Variants in NRXN3 observed in about 807,000 individuals in gnomAD.
NRXN3 encodes the protein neurexin III.
Under a neutral mutation model 137.6 loss-of-function variants are expected in NRXN3, and 32 were observed. That is an observed-to-expected ratio of 0.23 (90% confidence interval 0.18 to 0.31). The LOEUF (loss-of-function observed/expected upper bound fraction) is 0.31, where lower values mean the gene tolerates loss of function less well. Among genes scored for constraint, NRXN3 ranks in the 10% least tolerant of loss-of-function variants. The pLI is 1.00. For missense variants in NRXN3, 1,574 were observed against 2,062.5 expected (o/e 0.76, Z 4.59); for synonymous variants, 798 against 784.5 (o/e 1.02, Z -0.29).
At chr14:78,994,993 T>C (rs1462787018) in intron 15 of NRXN3, among the ~76,000 whole-genome samples, 1 of 152,142 alleles carries the variant, frequency 6.6e-6, no homozygotes, top group Admixed American at 6.5e-5. Context: ...TGATTGAGGG[T>C]TTGGTCCCAG....
chr14:78,705,218 A>G (rs1251815288), intron 6 of NRXN3, among the ~76,000 whole-genome samples: 1 of 152,208 alleles, frequency 6.6e-6, no homozygotes, highest in Non-Finnish European at 1.5e-5. Flanking sequence ...ATTTGATGCC[A>G]CATCTCTTCC....
At chr14:78,990,360 T>C (rs1205184153) in intron 15 of NRXN3, among the ~76,000 whole-genome samples, 1 of 127,762 alleles carries the variant, frequency 7.8e-6, no homozygotes, top group Non-Finnish European at 1.6e-5. Flanking sequence ...AGTTCACATC[T>C]ATTTTTTTTT....
chr14:78,689,882 C>T (rs2098156079), intron 6 of NRXN3, among the ~76,000 whole-genome samples: 1 of 151,668 alleles, frequency 6.6e-6, no homozygotes. Flanking sequence ...CTCTTTCTCT[C>T]TGCCCTTCCT....
chr14:79,370,565 G>A (rs1419020129), intron 15 of NRXN3, among the ~76,000 whole-genome samples: 2 of 151,898 alleles, frequency 1.3e-5, no homozygotes, highest in African/African-American at 4.8e-5. Flanking sequence ...TGATCTGCCT[G>A]CCTCAGCCTC....
chr14:78,860,618 G>A (rs2099069899), intron 10 of NRXN3, among the ~76,000 whole-genome samples: 1 of 151,908 alleles, frequency 6.6e-6, no homozygotes, highest in South Asian at 2.1e-4. Context: ...TTTTGTATAT[G>A]TATTATATAC....
At chr14:78,924,237 C>A (rs777196706) in intron 10 of NRXN3, among the ~76,000 whole-genome samples, 7 of 152,016 alleles carry the variant, frequency 4.6e-5, no homozygotes, top group Admixed American at 1.3e-4. Flanking sequence ...CACTCTGTCT[C>A]AAAAAACAAA....
chr14:79,355,157 A>G (rs2153401064), intron 15 of NRXN3, among the ~76,000 whole-genome samples: 1 of 152,284 alleles, frequency 6.6e-6, no homozygotes, highest in African/African-American at 2.4e-5. Flanking sequence ...CTGATTATGA[A>G]TAAGTCATCA....
chr14:79,126,880 G>C (rs1345432867), intron 15 of NRXN3, among the ~76,000 whole-genome samples: 1 of 152,162 alleles, frequency 6.6e-6, no homozygotes, highest in Admixed American at 6.5e-5. Context: ...ACTGGTGTGA[G>C]ATGGTATCTC....
At chr14:79,004,342 C>A (rs2099547838) in intron 15 of NRXN3, among the ~76,000 whole-genome samples, 1 of 152,070 alleles carries the variant, frequency 6.6e-6, no homozygotes, top group Admixed American at 6.6e-5. Flanking sequence ...ACCTCCTGGG[C>A]TCAAGTGATC....
chr14:78,563,991 A>C (rs1474185731), intron 4 of NRXN3, among the ~76,000 whole-genome samples: 1 of 152,200 alleles, frequency 6.6e-6, no homozygotes, highest in Non-Finnish European at 1.5e-5. Context: ...TCCTACCTTT[A>C]AATGTCAGTC....
chr14:79,505,353 T>A (rs1328870787), intron 16 of NRXN3, among the ~76,000 whole-genome samples: 1 of 152,186 alleles, frequency 6.6e-6, no homozygotes. Context: ...GGGTTGTCAT[T>A]CTGGGAGTTG....
intron 8 of NRXN3, among the ~76,000 whole-genome samples, chr14:78,774,945 G>T (rs988625415): frequency 1.1e-4 from 16 of 151,842 alleles, no homozygotes; most frequent in African/African-American, 3.9e-4. Flanking sequence ...ATAAAAAATA[G>T]AGGTTAAATA....
intron 4 of NRXN3, among the ~76,000 whole-genome samples, chr14:78,324,419 G>C (rs1379012954): frequency 1.3e-5 from 2 of 152,054 alleles, no homozygotes; most frequent in Non-Finnish European, 2.9e-5. Context: ...CTGTCAGAAA[G>C]TGGGAAGAAA....
chr14:78,183,467 A>G (rs571450895), intron 1 of NRXN3, among the ~76,000 whole-genome samples: 1 of 152,178 alleles, frequency 6.6e-6, no homozygotes, highest in Admixed American at 6.5e-5. Context: ...TTAGTTATGA[A>G]TTCTGTCTAG....
At chr14:79,226,506 A>G (rs758771765) in intron 15 of NRXN3, among the ~76,000 whole-genome samples, 12 of 152,098 alleles carry the variant, frequency 7.9e-5, no homozygotes, top group Non-Finnish European at 1.5e-4. Flanking sequence ...CCTCAAACCC[A>G]ATGTATCAGA....
At chr14:79,561,396 G>A (rs1344972596) in intron 16 of NRXN3, among the ~76,000 whole-genome samples, 1 of 152,252 alleles carries the variant, frequency 6.6e-6, no homozygotes. Context: ...GTAGCAAGAA[G>A]TAAAAGACAG....
intron 1 of NRXN3, among the ~76,000 whole-genome samples, chr14:78,192,946 G>A (rs969068648): frequency 7.9e-5 from 12 of 152,284 alleles, no homozygotes; most frequent in South Asian, 4.1e-4. Flanking sequence ...TGGAATATGG[G>A]GAGAAGAAAT....
chr14:79,277,114 T>TGAGGACCA (rs2080409635), intron 15 of NRXN3, among the ~76,000 whole-genome samples: 1 of 152,146 alleles, frequency 6.6e-6, no homozygotes, highest in African/African-American at 2.4e-5. Context: ...CAACTTTAAA[T>TGAGGACCA]GAGGACCAGA....
At chr14:78,526,859 T>G in intron 4 of NRXN3, 1 of 469,564 alleles carries the variant, frequency 2.1e-6, no homozygotes. Flanking sequence ...GATATCCAAG[T>G]CACCCAGAAA....
Sources: allele counts gnomAD v4.1 joint callset (sites outside exome capture counted in the v4.1 genomes callset), GRCh38; gene constraint gnomAD v4.1.1; transcripts MANE v1.5; gene names NCBI Gene and HGNC (gene_info 2026-07-23, HGNC 2026-07-21).